SGCZ: variants seen among roughly 807,000 people sequenced by gnomAD.
SGCZ encodes sarcoglycan zeta.
SGCZ carries 40 observed loss-of-function variants against 41.3 expected under a neutral mutation model. The ratio of observed to expected loss-of-function variants is 0.97; its 90% confidence interval spans 0.75 to 1.26. SGCZ has a LOEUF of 1.26. Among genes scored for constraint, SGCZ ranks in the 50% most tolerant of loss-of-function variants. The probability of loss-of-function intolerance (pLI) is 0.00; values close to 1 mark genes in which losing one functional copy is unlikely to be tolerated. For synonymous variants in SGCZ, 206 were observed against 137.5 expected, an observed-to-expected ratio of 1.50 and a Z score of -3.49; for missense variants, 552 against 369.8, an observed-to-expected ratio of 1.49 and a Z score of -4.04.
At chr8:14,763,231 G>C (rs147544836) in intron 1 of SGCZ, among the ~76,000 whole-genome samples, 3 of 152,024 alleles carry the variant, frequency 2.0e-5, no homozygotes, top group Admixed American at 6.6e-5. Flanking sequence ...TTCTAGGAGC[G>C]TCTTATATTA....
At chr8:14,866,042 G>A (rs1316780373) in intron 1 of SGCZ, among the ~76,000 whole-genome samples, 3 of 152,050 alleles carry the variant, frequency 2.0e-5, no homozygotes, top group Admixed American at 6.6e-5. Flanking sequence ...ATAGAAGAAT[G>A]TTAATAAGGA....
At chr8:15,220,515 A>T (rs938336178) in intron 1 of SGCZ, among the ~76,000 whole-genome samples, 2 of 152,142 alleles carry the variant, frequency 1.3e-5, no homozygotes, top group African/African-American at 4.8e-5. Context: ...ATCCTGAAGC[A>T]TCCAGTTTCA....
chr8:14,988,774 G>C (rs1049335724), intron 1 of SGCZ, among the ~76,000 whole-genome samples: 3 of 152,084 alleles, frequency 2.0e-5, no homozygotes, highest in Admixed American at 1.3e-4. Context: ...CTATAACTAT[G>C]CATTTTTTCC....
At chr8:14,841,839 C>G (rs1802927116) in intron 1 of SGCZ, among the ~76,000 whole-genome samples, 1 of 152,048 alleles carries the variant, frequency 6.6e-6, no homozygotes, top group Non-Finnish European at 1.5e-5. Context: ...AAAATTTTTC[C>G]CTATCACATC....
At chr8:14,311,541 A>T (rs553282236) in intron 3 of SGCZ, among the ~76,000 whole-genome samples, 2 of 152,228 alleles carry the variant, frequency 1.3e-5, no homozygotes, top group South Asian at 4.1e-4. Context: ...AATCTCCATA[A>T]CTATTGAAAG....
chr8:14,585,507 G>T (rs1270101564), intron 1 of SGCZ, among the ~76,000 whole-genome samples: 1 of 151,968 alleles, frequency 6.6e-6, no homozygotes, highest in African/African-American at 2.4e-5. Flanking sequence ...TTTCTCCAAA[G>T]GTTGCAATAT....
intron 1 of SGCZ, among the ~76,000 whole-genome samples, chr8:14,767,070 T>A (rs79284146): frequency 0.35 from 53,249 of 151,892 alleles, 11,117 homozygotes; most frequent in East Asian, 0.5. Context: ...TGGTGTTTTA[T>A]TTTTACATAT....
chr8:14,783,570 C>T lies in SGCZ; in HGVS notation c.40-228644G>A, dbSNP rs1162620332. 3.3e-5 allele frequency among the ~76,000 whole-genome samples: 5 copies of T among 149,320 alleles called. No individual in the cohort carries two copies. The East Asian group carries it at 7.8e-4, about 23-fold the overall frequency. ...AAACAAAAATTTAAAATAACTATAA[C>T]ATAATAATTTTTTTTTCCTTCAGAT... On this transcript the variant is annotated intron_variant, in intron 1 of 7. Coordinates refer to ENST00000382080, the MANE Select transcript of SGCZ (RefSeq NM_139167.4).
chr8:14,424,118 A>G (rs1056275725), intron 2 of SGCZ, among the ~76,000 whole-genome samples: 1 of 152,148 alleles, frequency 6.6e-6, no homozygotes, highest in Non-Finnish European at 1.5e-5. Context: ...GCCAGGGGGA[A>G]ATTTTTAAAG....
intron 1 of SGCZ, among the ~76,000 whole-genome samples, chr8:15,139,721 T>C (rs572445476): frequency 1.3e-5 from 2 of 152,278 alleles, no homozygotes; most frequent in Admixed American, 6.5e-5. Flanking sequence ...TCTAGACCTG[T>C]ACATCCTACA....
intron 4 of SGCZ, among the ~76,000 whole-genome samples, chr8:14,225,613 G>T (rs1431322358): frequency 6.6e-6 from 1 of 152,022 alleles, no homozygotes; most frequent in African/African-American, 2.4e-5. Context: ...GGATAGATTT[G>T]GGTGTTATCC....
intron 2 of SGCZ, among the ~76,000 whole-genome samples, chr8:14,381,444 A>G (rs1804359613): frequency 6.6e-6 from 1 of 151,918 alleles, no homozygotes; most frequent in South Asian, 2.1e-4. Context: ...TTCCCATATA[A>G]CTCCCTGTCC....
chr8:14,908,009 G>C (rs752887061), intron 1 of SGCZ, among the ~76,000 whole-genome samples: 8 of 152,066 alleles, frequency 5.3e-5, no homozygotes, highest in Non-Finnish European at 7.4e-5. Flanking sequence ...ATGTGAAATT[G>C]GTATGCTTTT....
rs1554484655 is a variant in SGCZ at position 14,237,506 on chromosome 8, A to AACG, written c.424+83_424+85dup. The stretch of plus-strand genomic sequence containing the variant: ...TCAAAACAACAACAACAACAACAAC[A>AACG]ACGACAACAACAAGAACCAAAAACC... On this transcript the variant is annotated intron_variant, in intron 4 of 7. Transcript: ENST00000382080. 1.7e-4 allele frequency: 187 copies of AACG among 1,101,812 alleles called. 1 individual carries two copies. The highest frequency in any genetic ancestry group is 1.1e-3 in the African/African-American group (69 of 63,296). The allele number at this position is 1,101,812 out of a possible 1,614,324, so 68.3% of individuals were successfully genotyped here.
intron 1 of SGCZ, among the ~76,000 whole-genome samples, chr8:14,958,477 G>C (rs918853832): frequency 2.0e-5 from 3 of 151,996 alleles, no homozygotes; most frequent in African/African-American, 2.4e-5. Context: ...AGATGAACAC[G>C]AAAGGTCACA....
chr8:14,950,628 T>C (rs1800600514), intron 1 of SGCZ, among the ~76,000 whole-genome samples: 1 of 151,928 alleles, frequency 6.6e-6, no homozygotes, highest in Non-Finnish European at 1.5e-5. Flanking sequence ...AGTTAGGATG[T>C]TGGCAAAAAA....
At chr8:14,602,218 G>C (rs1339813132) in intron 1 of SGCZ, among the ~76,000 whole-genome samples, 1 of 152,094 alleles carries the variant, frequency 6.6e-6, no homozygotes, top group Non-Finnish European at 1.5e-5. Context: ...ATTATCCCTA[G>C]GTCATACAGC....
In SGCZ at chr8:14,228,813, C is replaced by A. The variant is rs1027956016; in HGVS notation, c.424+8779G>T. On this transcript the variant is annotated intron_variant, in intron 4 of 7. Transcript: ENST00000382080. ...TTACTGTTACCAAAGGCCATATATT[C>A]AAATATGTATATTTTGTCTGGAAAA... 2.4e-4 allele frequency among the ~76,000 whole-genome samples: 37 copies of A among 152,132 alleles called. No homozygotes were observed. In the Middle Eastern group the frequency reaches 0.014, roughly 56 times the overall value.
intron 1 of SGCZ, among the ~76,000 whole-genome samples, chr8:14,928,148 A>C (rs922230937): frequency 6.6e-6 from 1 of 152,176 alleles, no homozygotes; most frequent in Non-Finnish European, 1.5e-5. Flanking sequence ...GTTGCAGATA[A>C]ATTTATCTCT....
Sources: allele counts gnomAD v4.1 joint callset (sites outside exome capture counted in the v4.1 genomes callset), GRCh38; gene constraint gnomAD v4.1.1; transcripts MANE v1.5; gene names NCBI Gene and HGNC (gene_info 2026-07-23, HGNC 2026-07-21).